SLC22A12: variants seen among roughly 807,000 people sequenced by gnomAD.
SLC22A12 encodes solute carrier family 22 member 12.
In SLC22A12, 56 loss-of-function variants were observed where a neutral mutation model predicts 52.7. That is an observed-to-expected ratio of 1.06 (90% confidence interval 0.86 to 1.33). The LOEUF (loss-of-function observed/expected upper bound fraction) is 1.33. SLC22A12 is among the 40% of genes most tolerant of loss of function. The pLI, the probability that SLC22A12 is intolerant of heterozygous loss-of-function variation, is 0.00. For synonymous variants in SLC22A12, 337 were observed against 324.6 expected, an observed-to-expected ratio of 1.04 and a Z score of -0.41; for missense variants, 683 against 741.5, an observed-to-expected ratio of 0.92 and a Z score of 0.92.
chr11:64,600,034 C>A, intron 7 of SLC22A12, 144 bp downstream of exon 7: 1 of 1,018,204 alleles, frequency 9.8e-7, no homozygotes, highest in Non-Finnish European at 1.5e-6. Context: ...GGACAGACGG[C>A]AGTGTCTGCA....
chr11:64,592,803 G>T lies in SLC22A12; in HGVS notation c.427G>T (p.Ala143Ser). 1 of 1,613,826 alleles carries T rather than the reference G, an allele frequency of 6.2e-7. No individual in the cohort carries two copies. The highest frequency in any genetic ancestry group is 8.5e-7 in the Non-Finnish European group (1 of 1,179,964). Residue 143 changes from alanine to serine, a missense_variant, in exon 2 of 10, where the codon GCT becomes TCT. Transcript: ENST00000377574. ...GTGGAACCTCGTGTGTGACTCTCAT[G>T]CTCTGAAGCCCATGGCCCAGTCCAT... is the stretch of plus-strand genomic sequence containing the variant. ...AKWNLVCDSH[A>S]LKPMAQSIYL... is the part of the protein sequence containing the mutation.
intron 4 of SLC22A12, among the ~76,000 whole-genome samples, chr11:64,596,889 G>A (rs117364847): frequency 3.1e-4 from 47 of 152,268 alleles, no homozygotes; most frequent in Admixed American, 1.5e-3. Flanking sequence ...CTTGGTAGAC[G>A]TGCTCCCACA....
At position 64,593,705 on chromosome 11, in the gene SLC22A12, C is replaced by T. The variant is rs371087747; in HGVS notation, c.732C>T (p.Gly244=). Residue 244 remains glycine (G), a synonymous_variant, in exon 4 of 10, where the codon GGC becomes GGT. Coordinates refer to ENST00000377574, the MANE Select transcript of SLC22A12 (RefSeq NM_144585.4). ...MTLNSLGFSF[G]HGLTAAVAYG... ...TGAACTCTCTGGGCTTCAGCTTCGG[C>T]CATGGCCTGACAGCTGCAGTGGCCT... The T allele has an allele frequency of 1.2e-6, 2 of 1,613,944 alleles. No individual in the cohort carries two copies.
At chr11:64,593,826 C>G in intron 4 of SLC22A12, 23 bp downstream of exon 4, 1 of 1,599,770 alleles carries the variant, frequency 6.3e-7, no homozygotes, top group South Asian at 1.1e-5. Flanking sequence ...CCCCACTCCC[C>G]TCCTCAGAGG....
At chr11:64,601,081 C>A (rs539508442) in intron 9 of SLC22A12, 143 bp downstream of exon 9, 2 of 1,134,596 alleles carry the variant, frequency 1.8e-6, no homozygotes, top group South Asian at 1.3e-5. Context: ...TCACACAGTA[C>A]ATCTCTGGGA....
Position 64,601,803 on chromosome 11 carries a change from C to T in SLC22A12, c.*252C>T. 2.0e-6 allele frequency: 1 copy of T among 491,480 alleles called. No homozygotes were observed. Among genetic ancestry groups the T allele is most frequent in the South Asian group, 2.0e-5 (1 of 49,582 alleles). 30.4% of individuals were successfully genotyped at this position (491,480 alleles called of 1,614,324 possible). On this transcript the variant is annotated 3_prime_UTR_variant, in exon 10 of 10. Transcript: ENST00000377574. ...TGACCCAGTGCACCATCACCCTGCC[C>T]TGCCCTCGTGGCTTCGGAGAGCAGA...
chr11:64,601,338 C>A (rs1016392585), intron 9 of SLC22A12, 150 bp from the exon 10 acceptor site: 6 of 778,650 alleles, frequency 7.7e-6, no homozygotes, highest in Admixed American at 4.4e-5. Flanking sequence ...ACTTCACACA[C>A]ACCCCCAACC....
Position 64,599,766 on chromosome 11 carries a change from C to G in SLC22A12, c.1161C>G (p.Val387=). ...NIFLLQMFIG[V]VDIPAKMGAL... Reference sequence around the variant, plus strand: ...TCCTGCTCCAAATGTTCATTGGTGTCGTGGACATCCCAGCCAAGATGGGCG... The same window carrying G: ...TCCTGCTCCAAATGTTCATTGGTGTGGTGGACATCCCAGCCAAGATGGGCG... The change falls in exon 7 of 10, where the codon GTC becomes GTG. Residue 387 remains valine, a synonymous_variant. Coordinates refer to ENST00000377574, the MANE Select transcript of SLC22A12 (RefSeq NM_144585.4). The G allele has an allele frequency of 6.2e-7, 1 of 1,612,804 alleles. No individual in the cohort carries two copies. The highest frequency in any genetic ancestry group is 8.5e-7 in the Non-Finnish European group (1 of 1,179,858).
rs576076 is a variant in SLC22A12 at position 64,593,151 on chromosome 11, G to A, written c.507-254G>A. The stretch of plus-strand genomic sequence containing the variant: ...AACATTCACTGCTAAAACTGGCTTG[G>A]CCATGCGCCTTCCTTCAGCAGCAAC... On this transcript the variant is annotated intron_variant, in intron 2 of 9. Coordinates refer to ENST00000377574, the MANE Select transcript of SLC22A12 (RefSeq NM_144585.4). Among the ~76,000 whole-genome samples the A allele has an allele frequency of 0.26, 39,153 of 152,208 alleles. 5,286 individuals are homozygous for A. Among genetic ancestry groups the A allele is most frequent in the East Asian group, 0.43 (2,226 of 5,182 alleles).
At chr11:64,595,985 AATAGATGGAATGGATGGATGG>A (rs2039190431) in intron 4 of SLC22A12, among the ~76,000 whole-genome samples, 1 of 49,376 alleles carries the variant, frequency 2.0e-5, no homozygotes, top group African/African-American at 1.2e-4. Flanking sequence ...GGATGGTTGG[AATAGATGGAATGGATGGATGG>A]ATGGATGGAT....
rs11607663 is a variant in SLC22A12, at chr11:64,601,198, G to C, written c.1598+260G>C. On this transcript the variant is annotated intron_variant, in intron 9 of 9. Transcript: ENST00000377574. Reference sequence around the variant, plus strand: ...AGGCACAAATGGACAAGCTCCCCCAGGTCCACCCTGAGAGAGGCCAAAGGG... The same window carrying C: ...AGGCACAAATGGACAAGCTCCCCCACGTCCACCCTGAGAGAGGCCAAAGGG... 0.51 allele frequency among the ~76,000 whole-genome samples: 77,194 copies of C among 152,074 alleles called. 23,424 individuals are homozygous for C. Among genetic ancestry groups the C allele is most frequent in the Non-Finnish European group, 0.7 (47,319 of 67,962 alleles).
intron 2 of SLC22A12, 69 bp from the exon 3 acceptor site, chr11:64,593,336 T>A: frequency 1.2e-6 from 2 of 1,605,578 alleles, no homozygotes; most frequent in South Asian, 2.2e-5. Context: ...GGGCTCTAGG[T>A]GTTCCAGAGC....
chr11:64,595,832 AATGGATGG>A (rs1178213566), intron 4 of SLC22A12, among the ~76,000 whole-genome samples: 5 of 129,584 alleles, frequency 3.9e-5, no homozygotes, highest in African/African-American at 1.5e-4. Context: ...TGGACGGTTG[AATGGATGG>A]ATGGATGGAT....
At position 64,600,807 on chromosome 11, in the gene SLC22A12, G is replaced by A. The variant is rs1404636233; in HGVS notation, c.1467G>A (p.Leu489=). The change falls in exon 9 of 10, where the codon CTG becomes CTA. Residue 489 remains leucine (L), a synonymous_variant. Transcript: ENST00000377574. Reference sequence around the variant, plus strand: ...TCCTGGGGCCTCTGGTCCGGCTGCTGGGTGTCCATGGCCCCTGGCTGCCCT... The same window carrying A: ...TCCTGGGGCCTCTGGTCCGGCTGCTAGGTGTCCATGGCCCCTGGCTGCCCT... ...GAILGPLVRL[L]GVHGPWLPLL... is the part of the protein sequence containing the mutation. The A allele has an allele frequency of 2.5e-6, 4 of 1,606,490 alleles. No homozygotes were observed. The highest frequency in any genetic ancestry group is 1.7e-6 in the Non-Finnish European group (2 of 1,179,944).
At chr11:64,592,952 C>A in intron 2 of SLC22A12, 70 bp downstream of exon 2, 1 of 1,421,028 alleles carries the variant, frequency 7.0e-7, no homozygotes, top group Non-Finnish European at 9.9e-7. Flanking sequence ...CCCTGGCCGA[C>A]TGGCCCCAAA....
At chr11:64,597,074 A>G (rs541932540) in intron 4 of SLC22A12, among the ~76,000 whole-genome samples, 1 of 152,294 alleles carries the variant, frequency 6.6e-6, no homozygotes, top group African/African-American at 2.4e-5. Flanking sequence ...AACTGTGCTT[A>G]GGGCTTGACG....
chr11:64,598,049 C>T (rs540621343), intron 4 of SLC22A12, among the ~76,000 whole-genome samples: 1 of 152,182 alleles, frequency 6.6e-6, no homozygotes, highest in South Asian at 2.1e-4. Flanking sequence ...ATGGGGTGGA[C>T]AGGAAGGCCA....
chr11:64,597,274 C>CAG (rs780185741), intron 4 of SLC22A12, among the ~76,000 whole-genome samples: 2 of 152,160 alleles, frequency 1.3e-5, no homozygotes, highest in Non-Finnish European at 2.9e-5. Context: ...CTCTCTCCCT[C>CAG]AGGCAGCCTC....
At chr11:64,593,883 CCTGGGGG>C in intron 4 of SLC22A12, 80 bp downstream of exon 4, 7 of 1,547,136 alleles carry the variant, frequency 4.5e-6, no homozygotes, top group Non-Finnish European at 8.7e-7. Flanking sequence ...CTCTCCTTTC[CCTGGGGG>C]CTGGGGAGTG....
Sources: gnomAD v4.1 joint callset for allele counts (sites outside exome capture counted in the v4.1 genomes callset) on GRCh38, gnomAD v4.1.1 for gene constraint, MANE v1.5 for transcripts, NCBI Gene and HGNC (gene_info 2026-07-23, HGNC 2026-07-21) for gene names.